Variants in NAA15 observed in about 807,000 individuals in gnomAD.
NAA15 encodes N-alpha-acetyltransferase 15, NatA auxiliary subunit.
A neutral mutation model predicts 114.0 loss-of-function variants in NAA15; 34 were observed. The ratio of observed to expected loss-of-function variants is 0.30; its 90% CI spans 0.23 to 0.40. The LOEUF is 0.40. Ranked by LOEUF, NAA15 falls within the 10% of genes least tolerant of loss-of-function variation. The pLI, the probability that NAA15 is intolerant of heterozygous loss-of-function variation, is 1.00. For synonymous variants in NAA15, 340 were observed against 338.0 expected, an observed-to-expected ratio of 1.01 and a Z score of -0.06; for missense variants, 658 against 1,004.5, an observed-to-expected ratio of 0.66 and a Z score of 4.66.
intron 14 of NAA15, among the ~76,000 whole-genome samples, chr4:139,368,077 C>T (rs1748333584): frequency 6.6e-6 from 1 of 151,874 alleles, no homozygotes; most frequent in South Asian, 2.1e-4. Flanking sequence ...CAAAGTTATT[C>T]CCACATTTTA....
chr4:139,381,110 A>G lies in NAA15; in HGVS notation c.2155+2256A>G, dbSNP rs1301589456. ...TATGGATTTTAGCATGGTTACTGGC[A>G]CCCTCCAAATCTCTAGAATATGTTG... On this transcript the variant is annotated intron_variant, in intron 17 of 19. Coordinates refer to ENST00000296543, the MANE Select transcript of NAA15 (RefSeq NM_057175.5). Among the ~76,000 whole-genome samples, 4 of 152,198 alleles carry G rather than the reference A, an allele frequency of 2.6e-5. No individual in the cohort carries two copies. In the South Asian group the frequency reaches 8.3e-4, roughly 32 times the overall value.
chr4:139,327,782 C>T (rs2110880459), intron 1 of NAA15, among the ~76,000 whole-genome samples: 1 of 152,258 alleles, frequency 6.6e-6, no homozygotes, highest in East Asian at 1.9e-4. Context: ...TCTCCTGCCT[C>T]TGCCTCCCTA....
At chr4:139,357,885 A>G (rs924214636) in intron 11 of NAA15, among the ~76,000 whole-genome samples, 1 of 152,212 alleles carries the variant, frequency 6.6e-6, no homozygotes, top group Non-Finnish European at 1.5e-5. Context: ...GTGTATTTCT[A>G]TTAAAATTTG....
chr4:139,366,474 A>G (rs1044392906), intron 14 of NAA15, among the ~76,000 whole-genome samples: 3 of 152,128 alleles, frequency 2.0e-5, no homozygotes, highest in Non-Finnish European at 2.9e-5. Flanking sequence ...TTCACATTCT[A>G]ATTGGTCAGA....
chr4:139,344,388 G>T (rs778459940), intron 6 of NAA15, 49 bp downstream of exon 6: 1 of 1,484,170 alleles, frequency 6.7e-7, no homozygotes, highest in Middle Eastern at 2.1e-4. Flanking sequence ...ATATGACAGA[G>T]CAAGGCTGAA....
At chr4:139,362,021 C>A in intron 14 of NAA15, 84 bp downstream of exon 14, 2 of 929,526 alleles carry the variant, frequency 2.2e-6, no homozygotes, top group Non-Finnish European at 3.2e-6. Flanking sequence ...TAGTATTGCT[C>A]CATGTCTTGA....
chr4:139,384,784 CT>C, intron 17 of NAA15, 47 bp from the exon 18 acceptor site: 1 of 1,238,096 alleles, frequency 8.1e-7, no homozygotes, highest in East Asian at 2.8e-5. Context: ...CTTTTGTAAA[CT>C]TTATCAGAGT....
At chr4:139,343,581 C>A (rs1378741579) in intron 5 of NAA15, among the ~76,000 whole-genome samples, 1 of 152,178 alleles carries the variant, frequency 6.6e-6, no homozygotes, top group Non-Finnish European at 1.5e-5. Flanking sequence ...TTGGATTTTT[C>A]TGATGGTTCC....
chr4:139,384,177 A>G (rs999144695), intron 17 of NAA15, among the ~76,000 whole-genome samples: 8 of 152,192 alleles, frequency 5.3e-5, no homozygotes, highest in Admixed American at 1.3e-4. Context: ...GCTGACATAC[A>G]TTCTTTTTAA....
At chr4:139,352,321 C>A (rs754114675) in intron 9 of NAA15, among the ~76,000 whole-genome samples, 2 of 152,096 alleles carry the variant, frequency 1.3e-5, no homozygotes, top group Non-Finnish European at 2.9e-5. Context: ...GTTGGCCAGG[C>A]TGGTCTTGAA....
chr4:139,341,086 C>CTTT lies in NAA15; in HGVS notation c.402+25_402+27dup. On this transcript the variant is annotated intron_variant, in intron 4 of 19. Coordinates refer to ENST00000296543, the MANE Select transcript of NAA15 (RefSeq NM_057175.5). ...GGTTACAGGGTAAGTAAAATAGAGA[C>CTTT]TTTTTTTTTTAATTCTAAGGGGAAA... 1 of 1,326,618 alleles carries CTTT rather than the reference C, an allele frequency of 7.5e-7. No homozygotes were observed. 82.2% of individuals were successfully genotyped at this position (1,326,618 alleles called of 1,614,324 possible).
chr4:139,329,996 C>T (rs1425594321), intron 1 of NAA15, among the ~76,000 whole-genome samples: 1 of 152,160 alleles, frequency 6.6e-6, no homozygotes, highest in Non-Finnish European at 1.5e-5. Flanking sequence ...CAGTCTTGCG[C>T]CACCTGTTAG....
In NAA15 at chr4:139,345,930, AG is replaced by A. The variant is rs923580950; in HGVS notation, c.691+1594del. On this transcript the variant is annotated intron_variant, in intron 6 of 19. Coordinates refer to ENST00000296543, the MANE Select transcript of NAA15 (RefSeq NM_057175.5). ...AGCAAGACTCCGTATCAAAAAAAAA[AG>A]GGAGTGGGAGTAGAGGAACTGAAGA... 3.9e-5 allele frequency among the ~76,000 whole-genome samples: 6 copies of A among 152,040 alleles called. No homozygotes were observed. In the East Asian group the frequency reaches 5.8e-4, roughly 15 times the overall value.
chr4:139,371,497 G>GCGCGCACACA (rs1389164527), intron 15 of NAA15, among the ~76,000 whole-genome samples: 1 of 113,678 alleles, frequency 8.8e-6, no homozygotes, highest in Non-Finnish European at 1.8e-5. Flanking sequence ...AAGAAAAGTA[G>GCGCGCACACA]CACACACACA....
At position 139,301,519 on chromosome 4, in the gene NAA15, G is replaced by A. The variant is rs1287627076; in HGVS notation, c.-259G>A. The A allele has an allele frequency of 1.0e-5, 5 of 497,730 alleles. No homozygotes were observed. In the East Asian group the frequency reaches 1.0e-4, roughly 10 times the overall value. The allele number at this position is 497,730 out of a possible 1,614,324, so 30.8% of individuals were successfully genotyped here. On this transcript the variant is annotated 5_prime_UTR_variant, in exon 1 of 20. Transcript: ENST00000296543. The stretch of plus-strand genomic sequence containing the variant: ...TCCGCCATTTTGGCTGCCTCTGTCG[G>A]TCTGTTCAGTTACCACGTGAACCGC...
intron 10 of NAA15, 150 bp downstream of exon 10, chr4:139,354,248 C>A: frequency 1.6e-6 from 1 of 626,484 alleles, no homozygotes; most frequent in Non-Finnish European, 2.8e-6. Flanking sequence ...TTAATTTGCA[C>A]ATTGTGTGAT....
intron 6 of NAA15, among the ~76,000 whole-genome samples, 193 bp downstream of exon 6, chr4:139,344,532 A>G (rs1318588984): frequency 6.6e-6 from 1 of 152,284 alleles, no homozygotes; most frequent in East Asian, 1.9e-4. Context: ...ATAGAGGAGA[A>G]AGTTGATTGT....
At chr4:139,362,514 C>G (rs949074452) in intron 14 of NAA15, among the ~76,000 whole-genome samples, 5 of 152,186 alleles carry the variant, frequency 3.3e-5, no homozygotes, top group African/African-American at 1.2e-4. Context: ...CTCAAGTGAT[C>G]TGCCCACCTC....
Position 139,306,256 on chromosome 4 carries a change from T to G in NAA15, c.54+4425T>G, listed in dbSNP as rs528208321. Among the ~76,000 whole-genome samples the G allele has an allele frequency of 2.0e-5, 3 of 152,316 alleles. No homozygotes were observed. The South Asian group carries it at 6.2e-4, about 32-fold the overall frequency. On this transcript the variant is annotated intron_variant, in intron 1 of 19. Transcript: ENST00000296543. ...AAGAGTTTATTTTATTTTGTTTGTT[T>G]TTTGAGACAGTTTTGCTCTGTCACC...
Sources: gnomAD v4.1 joint callset for allele counts (sites outside exome capture counted in the v4.1 genomes callset) on GRCh38, gnomAD v4.1.1 for gene constraint, MANE v1.5 for transcripts, NCBI Gene and HGNC (gene_info 2026-07-23, HGNC 2026-07-21) for gene names.